NRXN1: variants seen among roughly 807,000 people sequenced by gnomAD.
NRXN1 encodes neurexin-1.
In NRXN1, 39 loss-of-function variants were observed where a neutral mutation model predicts 150.9. The observed-to-expected ratio is 0.26, with a 90% CI of 0.20 to 0.34. The LOEUF is 0.34. NRXN1 is among the 10% of genes least tolerant of loss of function. NRXN1 has a pLI of 1.00. For synonymous variants in NRXN1, 924 were observed against 757.0 expected, an observed-to-expected ratio of 1.22 and a Z score of -3.62; for missense variants, 1,815 against 1,949.9, an observed-to-expected ratio of 0.93 and a Z score of 1.30.
intron 5 of NRXN1, among the ~76,000 whole-genome samples, chr2:50,737,115 T>C (rs890265096): frequency 2.0e-5 from 3 of 151,626 alleles, no homozygotes; most frequent in Non-Finnish European, 4.4e-5. Context: ...AAAAATTAGC[T>C]GGGCATGGCA....
intron 5 of NRXN1, among the ~76,000 whole-genome samples, chr2:50,652,677 A>G (rs1349635545): frequency 6.6e-6 from 1 of 152,072 alleles, no homozygotes; most frequent in Non-Finnish European, 1.5e-5. Context: ...GAATTTTTGT[A>G]TAGACACATG....
At chr2:50,368,279 G>C (rs1210169387) in intron 17 of NRXN1, among the ~76,000 whole-genome samples, 2 of 151,820 alleles carry the variant, frequency 1.3e-5, no homozygotes, top group Non-Finnish European at 2.9e-5. Context: ...TCCTCCTTAT[G>C]AGACTCCCAA....
chr2:50,408,225 CT>C (rs1263141933), intron 17 of NRXN1, among the ~76,000 whole-genome samples: 2 of 152,174 alleles, frequency 1.3e-5, no homozygotes, highest in Admixed American at 6.5e-5. Flanking sequence ...GAATGCAAAT[CT>C]GAGTCTACAA....
chr2:50,631,587 A>G (rs1209915612), intron 5 of NRXN1, among the ~76,000 whole-genome samples: 1 of 151,934 alleles, frequency 6.6e-6, no homozygotes, highest in African/African-American at 2.4e-5. Flanking sequence ...ACCAAAAACT[A>G]AATGCAGCTT....
intron 17 of NRXN1, among the ~76,000 whole-genome samples, chr2:50,302,239 A>G (rs1200671370): frequency 6.6e-6 from 1 of 152,104 alleles, no homozygotes; most frequent in Non-Finnish European, 1.5e-5. Context: ...TGAATCCTTG[A>G]AGTTTCTTTT....
intron 5 of NRXN1, among the ~76,000 whole-genome samples, chr2:50,648,404 G>C (rs1685125189): frequency 6.6e-6 from 1 of 151,940 alleles, no homozygotes; most frequent in African/African-American, 2.4e-5. Flanking sequence ...TTAAAGCAAA[G>C]TATATAAAAT....
At chr2:50,457,130 T>C (rs1174320861) in intron 17 of NRXN1, among the ~76,000 whole-genome samples, 1 of 152,274 alleles carries the variant, frequency 6.6e-6, no homozygotes, top group East Asian at 1.9e-4. Flanking sequence ...CAGTACCTTT[T>C]TAATAACAGA....
chr2:50,865,098 G>T (rs72838800), intron 5 of NRXN1, among the ~76,000 whole-genome samples: 1 of 151,678 alleles, frequency 6.6e-6, no homozygotes, highest in Non-Finnish European at 1.5e-5. Flanking sequence ...ATGGATGAAG[G>T]CCTCAGAAAA....
intron 17 of NRXN1, 97 bp downstream of exon 17, chr2:50,465,345 C>T (rs1175313330): frequency 1.6e-6 from 2 of 1,245,496 alleles, no homozygotes; most frequent in Non-Finnish European, 1.1e-6. Context: ...TCGACTGACT[C>T]AGAGTTAATA....
intron 21 of NRXN1, among the ~76,000 whole-genome samples, chr2:49,990,738 T>C (rs1160076564): frequency 6.6e-6 from 1 of 152,198 alleles, no homozygotes; most frequent in East Asian, 1.9e-4. Context: ...GATAATCTTA[T>C]TCATCATGTT....
intron 5 of NRXN1, among the ~76,000 whole-genome samples, chr2:50,639,222 CT>C (rs34380621): frequency 0.047 from 6,487 of 137,148 alleles, 328 homozygotes; most frequent in African/African-American, 0.15. Context: ...TTCTTTCTTT[CT>C]TTTTTTTTTT....
At chr2:50,889,362 T>C (rs1227239557) in intron 5 of NRXN1, among the ~76,000 whole-genome samples, 1 of 151,716 alleles carries the variant, frequency 6.6e-6, no homozygotes, top group East Asian at 1.9e-4. Flanking sequence ...ATAGTAACCA[T>C]GTTTTGGTTT....
chr2:50,466,642 A>ATTTAATATATTTT (rs2088895333), intron 16 of NRXN1, among the ~76,000 whole-genome samples: 1 of 151,832 alleles, frequency 6.6e-6, no homozygotes, highest in African/African-American at 2.4e-5. Flanking sequence ...TAATACTAAC[A>ATTTAATATATTTT]GCCATAAATC....
intron 5 of NRXN1, among the ~76,000 whole-genome samples, chr2:50,630,511 T>C (rs895332484): frequency 6.6e-6 from 1 of 151,646 alleles, no homozygotes; most frequent in Non-Finnish European, 1.5e-5. Context: ...ACCAAATAAA[T>C]AATCTGCAAG....
chr2:50,193,622 C>A (rs76783937), intron 18 of NRXN1, among the ~76,000 whole-genome samples: 5,460 of 152,154 alleles, frequency 0.036, 131 homozygotes, highest in Non-Finnish European at 0.053. Flanking sequence ...TATTGTGCCA[C>A]TAATATCTAA....
At chr2:50,825,579 C>T (rs1273254820) in intron 5 of NRXN1, among the ~76,000 whole-genome samples, 1 of 152,218 alleles carries the variant, frequency 6.6e-6, no homozygotes, top group Non-Finnish European at 1.5e-5. Context: ...AGTATGGCAG[C>T]TCTGTGCCCC....
At chr2:50,019,276 T>G (rs1305166972) in intron 21 of NRXN1, 6 of 471,516 alleles carry the variant, frequency 1.3e-5, no homozygotes, top group Non-Finnish European at 2.6e-5. Context: ...CTCCATAAGT[T>G]TGAAAGCTGT....
At chr2:50,818,646 A>G (rs1489056421) in intron 5 of NRXN1, among the ~76,000 whole-genome samples, 3 of 152,044 alleles carry the variant, frequency 2.0e-5, no homozygotes, top group African/African-American at 7.2e-5. Flanking sequence ...CGACACCAAA[A>G]GTACAGAAAA....
intron 5 of NRXN1, among the ~76,000 whole-genome samples, chr2:50,726,508 T>C (rs938349282): frequency 3.3e-5 from 5 of 152,320 alleles, no homozygotes; most frequent in African/African-American, 2.4e-5. Flanking sequence ...ATTTGCTATG[T>C]GCTAAAAACT....
Sources: gnomAD v4.1 joint callset for allele counts (sites outside exome capture counted in the v4.1 genomes callset) on GRCh38, gnomAD v4.1.1 for gene constraint, MANE v1.5 for transcripts, NCBI Gene and HGNC (gene_info 2026-07-23, HGNC 2026-07-21) for gene names.